The following FBXW4 variants were observed in gnomAD, a reference collection of about 807,000 sequenced individuals.
The protein encoded by FBXW4 is F-box and WD repeat domain containing 4.
FBXW4 carries 40 observed loss-of-function variants against 61.8 expected under a neutral mutation model. The observed-to-expected ratio is 0.65, with a 90% CI of 0.50 to 0.84. FBXW4 has a LOEUF of 0.84. Among genes scored for constraint, FBXW4 ranks in the 40% least tolerant of loss-of-function variants. FBXW4 has a pLI of 0.00. For synonymous variants in FBXW4, 311 were observed against 313.8 expected (o/e 0.99, Z 0.10); for missense variants, 672 against 753.8 (o/e 0.89, Z 1.27).
chr10:101,679,945 T>G (rs1369472465), intron 1 of FBXW4, among the ~76,000 whole-genome samples: 1 of 152,184 alleles, frequency 6.6e-6, no homozygotes, highest in Non-Finnish European at 1.5e-5. Context: ...CGCCTGTGTG[T>G]ACCCATGCCT....
chr10:101,636,482 G>A (rs2064002856), intron 5 of FBXW4, among the ~76,000 whole-genome samples: 1 of 150,742 alleles, frequency 6.6e-6, no homozygotes, highest in South Asian at 2.1e-4. Flanking sequence ...GTGTGCCCAA[G>A]TGCTGTTCTA....
At chr10:101,652,338 TTTC>T (rs1257859429) in intron 5 of FBXW4, among the ~76,000 whole-genome samples, 1 of 152,234 alleles carries the variant, frequency 6.6e-6, no homozygotes, top group Non-Finnish European at 1.5e-5. Context: ...CAGTAGCTTT[TTTC>T]TTGATTCTAA....
chr10:101,612,327 G>GCAC lies in FBXW4; in HGVS notation c.1442+7_1442+9dup. On this transcript the variant is annotated intron_variant, in intron 7 of 8. Transcript: ENST00000331272. ...CCCCACCACCTGTCCTCCCTGCCCA[G>GCAC]CACACTCACCGGACGCTGGTGCGGA... The GCAC allele has an allele frequency of 1.9e-6, 3 of 1,548,784 alleles. No individual in the cohort carries two copies. Among genetic ancestry groups the GCAC allele is most frequent in the Non-Finnish European group, 2.6e-6 (3 of 1,143,128 alleles).
Position 101,694,981 on chromosome 10 carries a change from T to G in FBXW4, c.125A>C (p.Lys42Thr). Residue 42 changes from lysine to threonine, a missense_variant, in exon 1 of 9, where the codon AAG becomes ACG. Physicochemically the swap from Lys to Thr is moderately conservative, Grantham distance 78 (BLOSUM62 -1). Coordinates refer to ENST00000331272, the MANE Select transcript of FBXW4 (RefSeq NM_022039.4). This position sits in a 1 kb window ranked among gnomAD's most constrained non-coding sequence, Gnocchi z 6.0. Reference protein sequence around the residue: ...ARGKRRKGKGKGKARAGQGGR... With the variant: ...ARGKRRKGKGTGKARAGQGGR... ...GCCTTGCCCCGCTCTCGCTTTTCCC[T>G]TCCCCTTCCCCTTCCTTCGCTTCCC... 7 of 1,141,192 alleles carry G rather than the reference T, an allele frequency of 6.1e-6. No individual in the cohort carries two copies. Among genetic ancestry groups the G allele is most frequent in the East Asian group, 4.2e-5 (1 of 23,542 alleles). The allele number at this position is 1,141,192 out of a possible 1,614,324, so 70.7% of individuals were successfully genotyped here.
rs901628405 is a variant in FBXW4, at chr10:101,641,023, G to C, written c.1236-16213C>G. Among the ~76,000 whole-genome samples, 78 of 150,818 alleles carry C rather than the reference G, an allele frequency of 5.2e-4. 1 individual carries two copies. Among genetic ancestry groups the C allele is most frequent in the African/African-American group, 1.9e-3 (77 of 40,960 alleles). On this transcript the variant is annotated intron_variant, in intron 5 of 8. Coordinates refer to ENST00000331272, the MANE Select transcript of FBXW4 (RefSeq NM_022039.4). ...TTTTTGTATTTTTAGTAGAGATGGG[G>C]TTTCACCATGTTGGCCAGGCTGGTG...
chr10:101,692,477 C>T (rs1025813785), intron 1 of FBXW4, among the ~76,000 whole-genome samples: 4 of 151,852 alleles, frequency 2.6e-5, no homozygotes, highest in Admixed American at 2.6e-4. Flanking sequence ...TAAATTAGGC[C>T]AGGCGCCATG....
At chr10:101,662,737 T>C (rs554990034) in intron 5 of FBXW4, among the ~76,000 whole-genome samples, 105 of 152,112 alleles carry the variant, frequency 6.9e-4, no homozygotes, top group Non-Finnish European at 1.4e-3. Flanking sequence ...TGTGGGCGCC[T>C]CTCCCTTCCC....
chr10:101,611,956 T>C lies in FBXW4; in HGVS notation c.1443-187A>G, dbSNP rs1304717961. On this transcript the variant is annotated intron_variant, in intron 7 of 8. Transcript: ENST00000331272. The surrounding 1 kb of genome is among the most constrained non-coding windows in gnomAD (Gnocchi z 4.9). ...GGAGAAAGCATCTTCTGTAGAGGGCTCTCGCCATGGCCCAGACGACACAGC... is the reference window on the plus strand; with the variant it reads ...GGAGAAAGCATCTTCTGTAGAGGGCCCTCGCCATGGCCCAGACGACACAGC... Among the ~76,000 whole-genome samples, 1 of 152,248 alleles carries C rather than the reference T, an allele frequency of 6.6e-6. No individual in the cohort carries two copies. The highest frequency in any genetic ancestry group is 2.4e-5 in the African/African-American group (1 of 41,458).
rs1329195986 is a variant in FBXW4, at chr10:101,640,484, C to T, written c.1236-15674G>A. ...TCTTTTCTTTTCTTTCTTTCTTTCT[C>T]TTTTTTTTTTTTTTTTTTTTTTTGA... is the stretch of plus-strand genomic sequence containing the variant. On this transcript the variant is annotated intron_variant, in intron 5 of 8. Coordinates refer to ENST00000331272, the MANE Select transcript of FBXW4 (RefSeq NM_022039.4). Among the ~76,000 whole-genome samples the T allele has an allele frequency of 5.6e-4, 47 of 83,892 alleles. 1 individual carries two copies. The highest frequency in any genetic ancestry group is 1.5e-3 in the African/African-American group (29 of 19,342). 55.0% of individuals were successfully genotyped at this position (83,892 alleles called of 152,430 possible). A position where few individuals can be genotyped will look rare whatever the true frequency, so the allele number is the denominator to read the frequency against.
intron 6 of FBXW4, among the ~76,000 whole-genome samples, chr10:101,624,121 G>C (rs1217237190): frequency 1.3e-5 from 2 of 151,436 alleles, no homozygotes. Context: ...CACACACACA[G>C]AGTGCAATCT....
intron 1 of FBXW4, among the ~76,000 whole-genome samples, chr10:101,686,241 T>G (rs2064532117): frequency 6.6e-6 from 1 of 152,148 alleles, no homozygotes; most frequent in Admixed American, 6.5e-5. Context: ...AAAAGAATTT[T>G]ATGGTCAAAA....
chr10:101,681,445 C>T (rs1212023402), intron 1 of FBXW4, among the ~76,000 whole-genome samples: 1 of 144,620 alleles, frequency 6.9e-6, no homozygotes, highest in Non-Finnish European at 1.5e-5. Flanking sequence ...AGGCTGGGCG[C>T]GGTGGCTCAC....
intron 6 of FBXW4, among the ~76,000 whole-genome samples, chr10:101,616,681 C>T (rs563839442): frequency 2.0e-5 from 3 of 152,336 alleles, no homozygotes; most frequent in East Asian, 3.9e-4. Context: ...GCTGTTTTGG[C>T]GGCAGCTGGC....
chr10:101,650,738 C>A (rs2134858968), intron 5 of FBXW4, among the ~76,000 whole-genome samples: 1 of 152,320 alleles, frequency 6.6e-6, no homozygotes, highest in South Asian at 2.1e-4. Context: ...GGGCCGAAGA[C>A]CCTCCAAGAA....
At chr10:101,648,561 T>C (rs900162495) in intron 5 of FBXW4, among the ~76,000 whole-genome samples, 2 of 152,192 alleles carry the variant, frequency 1.3e-5, no homozygotes, top group African/African-American at 4.8e-5. Flanking sequence ...CCAAGTTCAT[T>C]ATCTCAGTCG....
At chr10:101,642,947 T>C (rs574411631) in intron 5 of FBXW4, among the ~76,000 whole-genome samples, 14 of 152,200 alleles carry the variant, frequency 9.2e-5, no homozygotes, top group African/African-American at 3.1e-4. Context: ...AACTACCAAA[T>C]TATAGACTAC....
intron 1 of FBXW4, among the ~76,000 whole-genome samples, chr10:101,689,455 CTATTT>C (rs2064568628): frequency 6.6e-6 from 1 of 152,232 alleles, no homozygotes; most frequent in African/African-American, 2.4e-5. Context: ...AAACTAAACT[CTATTT>C]TATTAACTCA....
intron 5 of FBXW4, among the ~76,000 whole-genome samples, chr10:101,636,229 C>T (rs895389206): frequency 3.3e-5 from 5 of 151,886 alleles, no homozygotes; most frequent in African/African-American, 9.7e-5. Flanking sequence ...TGGTGGCGTG[C>T]ACCACCTAAC....
chr10:101,639,548 CAT>C (rs2064033703), intron 5 of FBXW4, among the ~76,000 whole-genome samples: 1 of 152,196 alleles, frequency 6.6e-6, no homozygotes, highest in African/African-American at 2.4e-5. Context: ...ATTCTCCCTC[CAT>C]ATATGTGATT....
Sources: gnomAD v4.1 joint callset for allele counts (sites outside exome capture counted in the v4.1 genomes callset) on GRCh38, gnomAD v4.1.1 for gene constraint, Gnocchi (gnomAD v3.1) non-coding constraint, MANE v1.5 for transcripts, NCBI Gene and HGNC (gene_info 2026-07-23, HGNC 2026-07-21) for gene names.